Variants in ZNF804A observed in about 807,000 individuals in gnomAD.
ZNF804A encodes zinc finger protein 804A.
Under a neutral mutation model 16.5 loss-of-function variants are expected in ZNF804A, and 2 were observed. That is an observed-to-expected ratio of 0.12 (90% CI 0.05 to 0.38). The LOEUF is 0.38. Among genes scored for constraint, ZNF804A ranks in the 10% least tolerant of loss-of-function variants. The pLI is 0.99. For synonymous variants in ZNF804A, 534 were observed against 489.6 expected, an observed-to-expected ratio of 1.09 and a Z score of -1.20; for missense variants, 1,473 against 1,390.7, an observed-to-expected ratio of 1.06 and a Z score of -0.94.
At chr2:184,647,374 A>T (rs1323736848) in intron 1 of ZNF804A, among the ~76,000 whole-genome samples, 2 of 152,190 alleles carry the variant, frequency 1.3e-5, no homozygotes, top group Non-Finnish European at 2.9e-5. Flanking sequence ...ATCACATTAG[A>T]TCTCTTACAG....
At chr2:184,763,987 C>G (rs1478270383) in intron 1 of ZNF804A, among the ~76,000 whole-genome samples, 2 of 151,914 alleles carry the variant, frequency 1.3e-5, no homozygotes, top group African/African-American at 4.8e-5. Flanking sequence ...CTTATACTGT[C>G]CTCTCATGCC....
At chr2:184,823,115 A>G (rs1167890759) in intron 1 of ZNF804A, among the ~76,000 whole-genome samples, 1 of 152,108 alleles carries the variant, frequency 6.6e-6, no homozygotes, top group Non-Finnish European at 1.5e-5. Flanking sequence ...AAACTCTAGC[A>G]GGTTTGGTAT....
At chr2:184,670,915 A>C (rs1448138212) in intron 1 of ZNF804A, among the ~76,000 whole-genome samples, 1 of 151,976 alleles carries the variant, frequency 6.6e-6, no homozygotes, top group Non-Finnish European at 1.5e-5. Context: ...TGCCTAGTGG[A>C]CTTGCTTTCA....
chr2:184,793,306 AG>A (rs1694580206), intron 1 of ZNF804A, among the ~76,000 whole-genome samples: 1 of 152,114 alleles, frequency 6.6e-6, no homozygotes, highest in South Asian at 2.1e-4. Flanking sequence ...GAGATTGCTG[AG>A]TCAAACAGAA....
At chr2:184,829,564 G>A (rs867422911) in intron 1 of ZNF804A, among the ~76,000 whole-genome samples, 71 of 151,852 alleles carry the variant, frequency 4.7e-4, no homozygotes, top group Non-Finnish European at 7.4e-4. Context: ...AGATTTCAGT[G>A]AGCTACCATT....
chr2:184,760,729 G>C (rs2105763139), intron 1 of ZNF804A, among the ~76,000 whole-genome samples: 1 of 152,160 alleles, frequency 6.6e-6, no homozygotes, highest in South Asian at 2.1e-4. Context: ...AAGATGATTG[G>C]GGATAAATAA....
chr2:184,889,350 T>A (rs1370930619), intron 2 of ZNF804A, among the ~76,000 whole-genome samples: 1 of 151,386 alleles, frequency 6.6e-6, no homozygotes, highest in African/African-American at 2.4e-5. Flanking sequence ...TGAGACCTGA[T>A]GTACTAATTT....
Position 184,936,226 on chromosome 2 carries a change from C to T in ZNF804A, c.830C>T (p.Ser277Phe). The T allele has an allele frequency of 6.2e-7, 1 of 1,614,018 alleles. No individual in the cohort carries two copies. Among genetic ancestry groups the T allele is most frequent in the Non-Finnish European group, 8.5e-7 (1 of 1,179,976 alleles). ...TTGAGTTCTGAGGAGAAAACTAACT[C>T]TTTTCATCCACCAGAGGCAATGTGC... ...VLLSSEEKTNSFHPPEAMCRD... is the reference protein window; with the variant it reads ...VLLSSEEKTNFFHPPEAMCRD... The change falls in exon 4 of 4, where the codon TCT (serine) becomes TTT (phenylalanine). Residue 277 changes from serine (S) to phenylalanine (F), a missense_variant. Transcript: ENST00000302277.
chr2:184,669,760 A>ACG (rs71403983), intron 1 of ZNF804A, among the ~76,000 whole-genome samples: 1 of 40,622 alleles, frequency 2.5e-5, no homozygotes, highest in Admixed American at 1.8e-4. Flanking sequence ...TCTCACACAC[A>ACG]CACGCACACA....
At chr2:184,694,838 G>T (rs1574166476) in intron 1 of ZNF804A, among the ~76,000 whole-genome samples, 1 of 152,142 alleles carries the variant, frequency 6.6e-6, no homozygotes, top group African/African-American at 2.4e-5. Flanking sequence ...AGAAAAGTTA[G>T]GGCAGAAGGA....
chr2:184,695,319 G>A (rs553580429), intron 1 of ZNF804A, among the ~76,000 whole-genome samples: 1 of 151,712 alleles, frequency 6.6e-6, no homozygotes, highest in African/African-American at 2.4e-5. Flanking sequence ...AAATTAGCCG[G>A]GTGAGGTGGC....
intron 1 of ZNF804A, among the ~76,000 whole-genome samples, chr2:184,697,132 C>T (rs182950581): frequency 6.6e-6 from 1 of 151,950 alleles, no homozygotes; most frequent in East Asian, 1.9e-4. Flanking sequence ...TTAATTATAG[C>T]AAAATAAATC....
intron 1 of ZNF804A, among the ~76,000 whole-genome samples, chr2:184,755,873 C>T (rs932673236): frequency 6.6e-6 from 1 of 151,918 alleles, no homozygotes; most frequent in Non-Finnish European, 1.5e-5. Context: ...GAATTCTACT[C>T]CCAGAAGAGG....
intron 1 of ZNF804A, among the ~76,000 whole-genome samples, chr2:184,677,136 GA>G (rs1254032910): frequency 6.6e-6 from 1 of 151,668 alleles, no homozygotes; most frequent in Non-Finnish European, 1.5e-5. Flanking sequence ...ACAAATAATA[GA>G]AACACGGAAT....
chr2:184,755,113 GA>G (rs1693938973), intron 1 of ZNF804A, among the ~76,000 whole-genome samples: 1 of 151,824 alleles, frequency 6.6e-6, no homozygotes, highest in African/African-American at 2.4e-5. Context: ...TGTTAAAGAG[GA>G]CCCTTAATTT....
At chr2:184,801,686 T>C (rs1694729305) in intron 1 of ZNF804A, among the ~76,000 whole-genome samples, 1 of 152,232 alleles carries the variant, frequency 6.6e-6, no homozygotes, top group Non-Finnish European at 1.5e-5. Context: ...AACCATATGC[T>C]TTGCATGTTA....
intron 1 of ZNF804A, among the ~76,000 whole-genome samples, chr2:184,665,744 T>C (rs1692245278): frequency 6.6e-6 from 1 of 152,230 alleles, no homozygotes; most frequent in South Asian, 2.1e-4. Context: ...TATTTTCTTG[T>C]TGACAGGCCC....
chr2:184,889,194 A>T (rs1684943943), intron 2 of ZNF804A, among the ~76,000 whole-genome samples: 1 of 150,670 alleles, frequency 6.6e-6, no homozygotes, highest in Non-Finnish European at 1.5e-5. Context: ...GTTTGATTTG[A>T]GTTTCTTTCA....
intron 1 of ZNF804A, among the ~76,000 whole-genome samples, chr2:184,652,267 T>C (rs954374356): frequency 6.6e-6 from 1 of 151,892 alleles, no homozygotes; most frequent in Non-Finnish European, 1.5e-5. Flanking sequence ...ATGGCAACAA[T>C]AGAAACCAGG....
Sources: gnomAD v4.1 joint callset for allele counts (sites outside exome capture counted in the v4.1 genomes callset) on GRCh38, gnomAD v4.1.1 for gene constraint, MANE v1.5 for transcripts, NCBI Gene and HGNC (gene_info 2026-07-23, HGNC 2026-07-21) for gene names.